Variants in ANO6 observed in about 807,000 individuals in gnomAD.
The protein encoded by ANO6 is anoctamin 6.
In ANO6, 106 loss-of-function variants were observed where a neutral mutation model predicts 117.5. The ratio of observed to expected loss-of-function variants is 0.90; its 90% CI spans 0.77 to 1.06. ANO6 has a LOEUF of 1.06. Ranked by LOEUF, ANO6 falls within the 50% of genes least tolerant of loss-of-function variation. The pLI is 0.00. For synonymous variants in ANO6, 367 were observed against 385.1 expected, an observed-to-expected ratio of 0.95 and a Z score of 0.55; for missense variants, 955 against 1,121.1, an observed-to-expected ratio of 0.85 and a Z score of 2.12.
rs558242598 is a variant in ANO6 at position 45,257,664 on chromosome 12, A to G, written c.70+41273A>G. On this transcript the variant is annotated intron_variant, in intron 1 of 19. Transcript: ENST00000320560. ...CACCACACATCACTGCCTTGGTTCT[A>G]GGCTCTTGTGTCTCACCTGGACTGT... Among the ~76,000 whole-genome samples, 5 of 152,204 alleles carry G rather than the reference A, an allele frequency of 3.3e-5. No individual in the cohort carries two copies. The East Asian group carries it at 9.7e-4, about 29-fold the overall frequency.
chr12:45,292,630 C>T (rs1939140453), intron 1 of ANO6: 2 of 1,139,206 alleles, frequency 1.8e-6, no homozygotes, highest in Non-Finnish European at 2.2e-6. Flanking sequence ...TTGTTTCCAG[C>T]TCTTCCAAAG....
chr12:45,249,882 A>T (rs1289704610), intron 1 of ANO6, among the ~76,000 whole-genome samples: 4 of 152,176 alleles, frequency 2.6e-5, no homozygotes, highest in Non-Finnish European at 5.9e-5. Context: ...TTATTCATTA[A>T]CAGTTTAATG....
At chr12:45,232,399 A>G (rs1208885712) in intron 1 of ANO6, among the ~76,000 whole-genome samples, 1 of 152,210 alleles carries the variant, frequency 6.6e-6, no homozygotes, top group Non-Finnish European at 1.5e-5. Context: ...AGCAGATTAT[A>G]TTTAAAGATC....
chr12:45,407,061 G>T (rs1942953603), intron 15 of ANO6, among the ~76,000 whole-genome samples: 1 of 152,194 alleles, frequency 6.6e-6, no homozygotes, highest in African/African-American at 2.4e-5. Flanking sequence ...AGTTCTGTGG[G>T]TGATTCTCAT....
intron 9 of ANO6, among the ~76,000 whole-genome samples, chr12:45,373,880 A>G (rs1206112099): frequency 1.3e-5 from 2 of 152,218 alleles, no homozygotes; most frequent in African/African-American, 4.8e-5. Flanking sequence ...ACTGAAGGAA[A>G]TAGAGACAGA....
rs139851490 is a variant in ANO6 at position 45,290,750 on chromosome 12, T to A, written c.71-11264T>A. Among the ~76,000 whole-genome samples the A allele has an allele frequency of 6.6e-5, 10 of 152,346 alleles. No homozygotes were observed. In the East Asian group the frequency reaches 1.9e-3, roughly 29 times the overall value. ...AATGGTAAATCTAAGTTTTTAAAAGTCTGTTTATTAAATGCTAAAAGTTGC... is the reference window on the plus strand; with the variant it reads ...AATGGTAAATCTAAGTTTTTAAAAGACTGTTTATTAAATGCTAAAAGTTGC... On this transcript the variant is annotated intron_variant, in intron 1 of 19. Coordinates refer to ENST00000320560, the MANE Select transcript of ANO6 (RefSeq NM_001025356.3).
chr12:45,384,491 T>C (rs1237435532), intron 10 of ANO6, among the ~76,000 whole-genome samples: 1 of 152,172 alleles, frequency 6.6e-6, no homozygotes, highest in East Asian at 1.9e-4. Flanking sequence ...GATGTGTGAG[T>C]CTTGCTTTCA....
chr12:45,295,692 C>T (rs1939268422), intron 1 of ANO6, among the ~76,000 whole-genome samples: 1 of 152,028 alleles, frequency 6.6e-6, no homozygotes. Context: ...TCCAGAGTAG[C>T]TAGCGTTACA....
At chr12:45,438,900 A>G (rs1413418785) in intron 19 of ANO6, among the ~76,000 whole-genome samples, 1 of 151,400 alleles carries the variant, frequency 6.6e-6, no homozygotes, top group Non-Finnish European at 1.5e-5. Flanking sequence ...TTAATTCAGT[A>G]TTTATAGCAC....
chr12:45,396,027 A>T (rs1219974574), intron 12 of ANO6, among the ~76,000 whole-genome samples: 2 of 152,234 alleles, frequency 1.3e-5, no homozygotes, highest in Non-Finnish European at 2.9e-5. Flanking sequence ...AAGGGTATTC[A>T]ATTAGGAAAT....
At chr12:45,417,641 G>T (rs1434379223) in intron 17 of ANO6, among the ~76,000 whole-genome samples, 2 of 152,180 alleles carry the variant, frequency 1.3e-5, no homozygotes, top group Non-Finnish European at 2.9e-5. Flanking sequence ...CAATTTTCAT[G>T]CCAGCCCATT....
intron 15 of ANO6, among the ~76,000 whole-genome samples, chr12:45,404,844 T>C (rs1378251624): frequency 6.6e-6 from 1 of 152,232 alleles, no homozygotes; most frequent in African/African-American, 2.4e-5. Context: ...CCCTCTTGCC[T>C]CCATCACATA....
chr12:45,284,024 T>C (rs1938827183), intron 1 of ANO6, among the ~76,000 whole-genome samples: 1 of 152,220 alleles, frequency 6.6e-6, no homozygotes, highest in African/African-American at 2.4e-5. Context: ...GGCATACAAA[T>C]TTATTTGATC....
At chr12:45,349,640 C>T (rs896539716) in intron 6 of ANO6, among the ~76,000 whole-genome samples, 4 of 152,002 alleles carry the variant, frequency 2.6e-5, no homozygotes, top group Admixed American at 6.6e-5. Flanking sequence ...TGGATAGAGA[C>T]GATATTGAAA....
intron 1 of ANO6, among the ~76,000 whole-genome samples, chr12:45,282,811 G>A (rs10748418): frequency 0.93 from 142,328 of 152,324 alleles, 67,260 homozygotes; most frequent in East Asian, 1. Context: ...CTAAACATTA[G>A]AAAGTATAAC....
chr12:45,274,509 C>T (rs548869352), intron 1 of ANO6, among the ~76,000 whole-genome samples: 3 of 152,170 alleles, frequency 2.0e-5, no homozygotes, highest in African/African-American at 4.8e-5. Context: ...TAAATCGGAG[C>T]CCAGGCCACT....
chr12:45,328,858 T>C (rs1466499826), intron 2 of ANO6, among the ~76,000 whole-genome samples: 5 of 152,190 alleles, frequency 3.3e-5, no homozygotes, highest in Non-Finnish European at 7.3e-5. Context: ...CAGTTACAAT[T>C]CAAATTATGT....
chr12:45,257,231 G>A (rs1238440323), intron 1 of ANO6, among the ~76,000 whole-genome samples: 1 of 152,186 alleles, frequency 6.6e-6, no homozygotes, highest in Non-Finnish European at 1.5e-5. Context: ...TCTGAGGGCA[G>A]TCTCATTCAC....
intron 9 of ANO6, among the ~76,000 whole-genome samples, 182 bp from the exon 10 acceptor site, chr12:45,377,863 AAAAGAATC>A (rs1593038191): frequency 6.6e-6 from 1 of 152,238 alleles, no homozygotes; most frequent in East Asian, 1.9e-4. Context: ...CTTTGCTTTG[AAAAGAATC>A]AAATTTCATC....
Sources: allele counts gnomAD v4.1 joint callset (sites outside exome capture counted in the v4.1 genomes callset), GRCh38; gene constraint gnomAD v4.1.1; transcripts MANE v1.5; gene names NCBI Gene and HGNC (gene_info 2026-07-23, HGNC 2026-07-21).